The following SASH1 variants were observed in gnomAD, a reference collection of about 807,000 sequenced individuals.
The protein encoded by SASH1 is SAM and SH3 domain-containing protein 1.
In SASH1, 44 loss-of-function variants were observed where a neutral mutation model predicts 125.2. The ratio of observed to expected loss-of-function variants is 0.35; its 90% confidence interval spans 0.28 to 0.45. SASH1 has a LOEUF of 0.45. Among genes scored for constraint, SASH1 ranks in the 20% least tolerant of loss-of-function variants. SASH1 has a pLI of 1.00. For synonymous variants in SASH1, 639 were observed against 649.1 expected (o/e 0.98, Z 0.24); for missense variants, 1,426 against 1,614.5 (o/e 0.88, Z 2.00).
At chr6:148,453,448 GC>G (rs967440669) in intron 4 of SASH1, among the ~76,000 whole-genome samples, 12 of 152,150 alleles carry the variant, frequency 7.9e-5, no homozygotes, top group South Asian at 4.1e-4. Context: ...AATCTATAAT[GC>G]AGATGGTATT....
intron 4 of SASH1, among the ~76,000 whole-genome samples, chr6:148,461,533 T>C (rs1048751178): frequency 1.2e-4 from 18 of 152,094 alleles, no homozygotes; most frequent in Admixed American, 3.3e-4. Flanking sequence ...GAGAGGTGCA[T>C]AGGGCATGGA....
chr6:148,400,874 G>T (rs1487151738), intron 2 of SASH1, among the ~76,000 whole-genome samples: 1 of 152,192 alleles, frequency 6.6e-6, no homozygotes, highest in Non-Finnish European at 1.5e-5. Flanking sequence ...TTGCATTTGG[G>T]ATTGTCTTTT....
chr6:148,352,461 G>A (rs1006168443), intron 1 of SASH1, among the ~76,000 whole-genome samples: 3 of 152,062 alleles, frequency 2.0e-5, no homozygotes, highest in Non-Finnish European at 4.4e-5. Flanking sequence ...GCCAGGCATA[G>A]TGGCAGGCGC....
intron 2 of SASH1, among the ~76,000 whole-genome samples, chr6:148,396,783 G>T (rs935478049): frequency 3.9e-5 from 6 of 152,102 alleles, no homozygotes; most frequent in Admixed American, 1.3e-4. Flanking sequence ...TCAAATTCTG[G>T]CTCTTTTACT....
intron 10 of SASH1, among the ~76,000 whole-genome samples, chr6:148,522,992 GA>G (rs1439703331): frequency 6.6e-6 from 1 of 152,198 alleles, no homozygotes; most frequent in Non-Finnish European, 1.5e-5. Flanking sequence ...GCCTATCACT[GA>G]AAGAGGTTTT....
the SASH1 span, among the ~76,000 whole-genome samples, chr6:148,264,950 A>C: frequency 3.3e-5 from 5 of 152,388 alleles, no homozygotes; most frequent in South Asian, 6.2e-4. Context: ...TTATATTCCC[A>C]GTGTCTAGTA....
chr6:148,447,738 T>TTCC (rs1224288128), intron 4 of SASH1, among the ~76,000 whole-genome samples: 20 of 125,236 alleles, frequency 1.6e-4, no homozygotes, highest in African/African-American at 4.7e-4. Flanking sequence ...CCTCCTCCTC[T>TTCC]TCCTCCTCCT....
At chr6:148,476,563 C>A (rs1778357900) in intron 7 of SASH1, among the ~76,000 whole-genome samples, 1 of 152,090 alleles carries the variant, frequency 6.6e-6, no homozygotes, top group South Asian at 2.1e-4. Context: ...GTGTCTGTAG[C>A]AAGCTACTTG....
chr6:148,355,911 T>C (rs771896219), intron 1 of SASH1, among the ~76,000 whole-genome samples: 8 of 152,050 alleles, frequency 5.3e-5, no homozygotes, highest in Non-Finnish European at 7.4e-5. Flanking sequence ...ACAGGTCAGG[T>C]AGTATTTGGT....
intron 1 of SASH1, among the ~76,000 whole-genome samples, chr6:148,350,758 G>A (rs1781699936): frequency 6.6e-6 from 1 of 152,222 alleles, no homozygotes; most frequent in African/African-American, 2.4e-5. Flanking sequence ...CTCACTATCA[G>A]TGATACCATT....
chr6:148,203,539 CTG>C, the SASH1 span, among the ~76,000 whole-genome samples: 1 of 152,180 alleles, frequency 6.6e-6, no homozygotes, highest in African/African-American at 2.4e-5. Flanking sequence ...TTTCTTATAA[CTG>C]AGATCAGGGG....
upstream of SASH1, among the ~76,000 whole-genome samples, chr6:148,269,920 G>A (rs1215507005): frequency 2.6e-5 from 4 of 152,200 alleles, no homozygotes; most frequent in Non-Finnish European, 4.4e-5. Flanking sequence ...TATTTGGCAG[G>A]TGAGTGTGTA....
At chr6:148,404,662 C>T (rs964111844) in intron 2 of SASH1, among the ~76,000 whole-genome samples, 12 of 119,908 alleles carry the variant, frequency 1.0e-4, no homozygotes, top group Non-Finnish European at 1.7e-4. Flanking sequence ...CCAGCCCTAT[C>T]GTACCCTCAT....
intron 2 of SASH1, among the ~76,000 whole-genome samples, chr6:148,418,315 C>T (rs573826760): frequency 1.3e-5 from 2 of 152,274 alleles, no homozygotes; most frequent in African/African-American, 2.4e-5. Context: ...GCTGCCTACT[C>T]GGGATAAACA....
chr6:148,372,629 A>G (rs1243980719), intron 1 of SASH1, among the ~76,000 whole-genome samples: 4 of 152,190 alleles, frequency 2.6e-5, no homozygotes, highest in Non-Finnish European at 2.9e-5. Flanking sequence ...AATTGTTTAT[A>G]TTCATCTCCC....
chr6:148,250,286 T>G, the SASH1 span, among the ~76,000 whole-genome samples: 1 of 152,202 alleles, frequency 6.6e-6, no homozygotes, highest in African/African-American at 2.4e-5. Context: ...CCTCTTGTTC[T>G]GTCTTTTTCA....
chr6:148,437,077 G>T (rs1776322581), intron 2 of SASH1, among the ~76,000 whole-genome samples: 1 of 152,104 alleles, frequency 6.6e-6, no homozygotes, highest in Non-Finnish European at 1.5e-5. Context: ...TGAATAAAGG[G>T]GTCATGGCTG....
chr6:148,281,106 C>CTTTTTTTTTTT (rs34144143), intron 1 of SASH1, among the ~76,000 whole-genome samples: 7 of 69,240 alleles, frequency 1.0e-4, no homozygotes, highest in African/African-American at 2.2e-4. Context: ...CCATGCCTAG[C>CTTTTTTTTTTT]TTTTTTTTTT....
rs373606903 is a variant in SASH1 at position 148,423,296 on chromosome 6, A to G, written c.286-16888A>G. On this transcript the variant is annotated intron_variant, in intron 2 of 19. Coordinates refer to ENST00000367467, the MANE Select transcript of SASH1 (RefSeq NM_015278.5). ...ACATGACTAAGTCAAAAGTTTATTT[A>G]TTTTAAAAGCAAATTTGTGGCTGAT... Among the ~76,000 whole-genome samples the G allele has an allele frequency of 2.0e-5, 3 of 152,322 alleles. No individual in the cohort carries two copies. The East Asian group carries it at 5.8e-4, about 29-fold the overall frequency.
Sources: allele counts gnomAD v4.1 joint callset (sites outside exome capture counted in the v4.1 genomes callset), GRCh38; gene constraint gnomAD v4.1.1; transcripts MANE v1.5; gene names NCBI Gene and HGNC (gene_info 2026-07-23, HGNC 2026-07-21).